PAK5: variants seen among roughly 807,000 people sequenced by gnomAD.
PAK5 encodes p21 (RAC1) activated kinase 5.
PAK5 carries 16 observed loss-of-function variants against 65.9 expected under a neutral mutation model. The ratio of observed to expected loss-of-function variants is 0.24; its 90% CI spans 0.16 to 0.37. The LOEUF is 0.37. PAK5 is among the 10% of genes least tolerant of loss of function. The probability of loss-of-function intolerance (pLI) is 1.00; values close to 1 mark genes in which losing one functional copy is unlikely to be tolerated. For synonymous variants in PAK5, 371 were observed against 354.9 expected, an observed-to-expected ratio of 1.05 and a Z score of -0.51; for missense variants, 785 against 903.9, an observed-to-expected ratio of 0.87 and a Z score of 1.69.
intron 3 of PAK5, among the ~76,000 whole-genome samples, chr20:9,622,893 T>C (rs2046790885): frequency 6.6e-6 from 1 of 152,232 alleles, no homozygotes; most frequent in Non-Finnish European, 1.5e-5. Context: ...GTGCTCAGTC[T>C]GTATCTCTCT....
At chr20:9,656,612 C>G (rs2047271466) in intron 2 of PAK5, among the ~76,000 whole-genome samples, 1 of 152,270 alleles carries the variant, frequency 6.6e-6, no homozygotes, top group Non-Finnish European at 1.5e-5. Context: ...AGTCTAGAGT[C>G]AGTCTTCTGG....
intron 3 of PAK5, among the ~76,000 whole-genome samples, chr20:9,598,668 G>A (rs2123096674): frequency 6.6e-6 from 1 of 152,160 alleles, no homozygotes; most frequent in Middle Eastern, 3.4e-3. Flanking sequence ...GGTGTGAGAT[G>A]GTATCTCATT....
intron 1 of PAK5, among the ~76,000 whole-genome samples, chr20:9,817,865 A>G (rs186229986): frequency 6.6e-6 from 1 of 152,316 alleles, no homozygotes; most frequent in East Asian, 1.9e-4. Flanking sequence ...TAATGAGGTC[A>G]CACCTGGTGA....
chr20:9,563,030 G>A lies in PAK5; in HGVS notation c.1483-6C>T, dbSNP rs778632357. 16 of 1,612,124 alleles carry A rather than the reference G, an allele frequency of 9.9e-6. No individual in the cohort carries two copies. ...TAATCCCGCATGATCACGACCTGGG[G>A]AAACGGGAAATATACTTTTGACTTG... On this transcript the variant is annotated splice_region_variant and splice_polypyrimidine_tract_variant and intron_variant, in intron 5 of 9. Coordinates refer to ENST00000353224, the MANE Select transcript of PAK5 (RefSeq NM_177990.4).
chr20:9,637,344 A>G lies in PAK5; in HGVS notation c.204+6781T>C, dbSNP rs1389688236. ...CTATAAAGCACATGATCCATTAAGC[A>G]TCCACCAATGAATGACATTATCACA... On this transcript the variant is annotated intron_variant, in intron 3 of 9. Transcript: ENST00000353224. 2.0e-5 allele frequency among the ~76,000 whole-genome samples: 3 copies of G among 152,208 alleles called. No homozygotes were observed. In the East Asian group the frequency reaches 5.8e-4, roughly 29 times the overall value.
chr20:9,718,448 G>GGAATGCAAGCACAAGT (rs2048175685), intron 1 of PAK5, among the ~76,000 whole-genome samples: 3 of 151,820 alleles, frequency 2.0e-5, no homozygotes, highest in African/African-American at 7.3e-5. Flanking sequence ...GTGAGTAGCA[G>GGAATGCAAGCACAAGT]GTTTGATACA....
chr20:9,754,240 G>A (rs1474011168), intron 1 of PAK5, among the ~76,000 whole-genome samples: 2 of 152,128 alleles, frequency 1.3e-5, no homozygotes, highest in African/African-American at 4.8e-5. Flanking sequence ...ATCAAGACAG[G>A]GGAATTGCAA....
chr20:9,616,671 C>G lies in PAK5; in HGVS notation c.204+27454G>C, dbSNP rs549233044. On this transcript the variant is annotated intron_variant, in intron 3 of 9. Transcript: ENST00000353224. ...CTGTGGGATGTGGGGCTCTATGGCA[C>G]AGCAGGGTGATAATACACTGGGGTG... is the stretch of plus-strand genomic sequence containing the variant. 2.0e-5 allele frequency among the ~76,000 whole-genome samples: 3 copies of G among 152,284 alleles called. No individual in the cohort carries two copies. The East Asian group carries it at 5.8e-4, about 29-fold the overall frequency.
chr20:9,665,085 G>GGTTTTTTTTTT (rs1555910638), intron 2 of PAK5, among the ~76,000 whole-genome samples: 1 of 98,920 alleles, frequency 1.0e-5, no homozygotes, highest in Non-Finnish European at 1.9e-5. Flanking sequence ...AAATTTTTCT[G>GGTTTTTTTTTT]TTTTTTTTTT....
chr20:9,557,100 C>T (rs180813548), intron 7 of PAK5, among the ~76,000 whole-genome samples: 1 of 152,246 alleles, frequency 6.6e-6, no homozygotes, highest in Non-Finnish European at 1.5e-5. Flanking sequence ...GAGTAATGTT[C>T]CATTATAAAG....
In PAK5 at chr20:9,580,756, T is replaced by A. The variant is rs758968415; in HGVS notation, c.379A>T (p.Thr127Ser). Reference protein sequence around the residue: ...PGHAEENGFITFSQYSSESDT... With the variant: ...PGHAEENGFISFSQYSSESDT... The stretch of plus-strand genomic sequence containing the variant: ...GATTCGCTGGAATACTGGGAGAAGG[T>A]GATGAAGCCATTTTCTTCCGCGTGG... The change falls in exon 4 of 10, where the codon ACC becomes TCC. Residue 127 changes from threonine to serine, a missense_variant. Transcript: ENST00000353224. 6.2e-7 allele frequency: 1 copy of A among 1,613,780 alleles called. No homozygotes were observed. The highest frequency in any genetic ancestry group is 1.3e-5 in the African/African-American group (1 of 74,830).
chr20:9,613,151 T>A (rs375313299), intron 3 of PAK5, among the ~76,000 whole-genome samples: 22 of 152,324 alleles, frequency 1.4e-4, no homozygotes, highest in African/African-American at 4.8e-4. Flanking sequence ...CAAAAACAGA[T>A]GGGATGTCCA....
chr20:9,603,141 G>T (rs11906114), intron 3 of PAK5, among the ~76,000 whole-genome samples: 6,664 of 152,250 alleles, frequency 0.044, 461 homozygotes, highest in African/African-American at 0.15. Context: ...GATTATAGAC[G>T]CCTCCGGTGT....
chr20:9,829,621 G>A (rs1978547592), intron 1 of PAK5, among the ~76,000 whole-genome samples: 1 of 152,162 alleles, frequency 6.6e-6, no homozygotes, highest in Non-Finnish European at 1.5e-5. Context: ...ATGCATGTGT[G>A]TCTCAACAAT....
intron 3 of PAK5, among the ~76,000 whole-genome samples, chr20:9,641,552 C>T (rs563292923): frequency 1.3e-4 from 20 of 151,700 alleles, no homozygotes; most frequent in Non-Finnish European, 2.9e-4. Context: ...ACCGGGGCTG[C>T]AGGTGGAGCT....
chr20:9,601,430 G>A (rs181768011), intron 3 of PAK5, among the ~76,000 whole-genome samples: 3 of 152,252 alleles, frequency 2.0e-5, no homozygotes, highest in Middle Eastern at 3.4e-3. Context: ...GCTATCATCT[G>A]TCTCTTGCAT....
chr20:9,794,852 A>G (rs1051674769), intron 1 of PAK5, among the ~76,000 whole-genome samples: 1 of 152,038 alleles, frequency 6.6e-6, no homozygotes, highest in Non-Finnish European at 1.5e-5. Context: ...AAGAAAAACC[A>G]TATCTTCAGT....
intron 2 of PAK5, among the ~76,000 whole-genome samples, chr20:9,659,624 A>C (rs1380190584): frequency 1.3e-5 from 2 of 152,196 alleles, no homozygotes; most frequent in Non-Finnish European, 2.9e-5. Flanking sequence ...GTTGAAGAAG[A>C]CTGGGCCAAA....
intron 3 of PAK5, among the ~76,000 whole-genome samples, chr20:9,613,930 C>T (rs572396425): frequency 1.3e-5 from 2 of 152,238 alleles, no homozygotes; most frequent in Admixed American, 1.3e-4. Flanking sequence ...CCCAGTGCAT[C>T]ACATCTGGCT....
Sources: gnomAD v4.1 joint callset for allele counts (sites outside exome capture counted in the v4.1 genomes callset) on GRCh38, gnomAD v4.1.1 for gene constraint, MANE v1.5 for transcripts, NCBI Gene and HGNC (gene_info 2026-07-23, HGNC 2026-07-21) for gene names.